The following PCDH9 variants were observed in gnomAD, a reference collection of about 807,000 sequenced individuals.
The protein encoded by PCDH9 is protocadherin-9.
A neutral mutation model predicts 70.6 loss-of-function variants in PCDH9; 24 were observed. The observed-to-expected ratio is 0.34, with a 90% CI of 0.25 to 0.48. The LOEUF (loss-of-function observed/expected upper bound fraction) is 0.48, where lower values mean the gene tolerates loss of function less well. Among genes scored for constraint, PCDH9 ranks in the 20% least tolerant of loss-of-function variants. The pLI, the probability that PCDH9 is intolerant of heterozygous loss-of-function variation, is 0.99. For missense variants in PCDH9, 1,281 were observed against 1,503.6 expected (o/e 0.85, Z 2.45); for synonymous variants, 562 against 558.5 (o/e 1.01, Z -0.09).
chr13:66,731,785 T>C (rs1404996395), intron 3 of PCDH9, among the ~76,000 whole-genome samples: 4 of 152,120 alleles, frequency 2.6e-5, no homozygotes, highest in Admixed American at 6.5e-5. Context: ...TTATACATTC[T>C]ATTTATCAAC....
At chr13:66,473,850 C>T (rs985245148) in intron 4 of PCDH9, among the ~76,000 whole-genome samples, 1 of 152,126 alleles carries the variant, frequency 6.6e-6, no homozygotes, top group Non-Finnish European at 1.5e-5. Flanking sequence ...CTCTCTATCT[C>T]CTGTGGATAT....
intron 3 of PCDH9, among the ~76,000 whole-genome samples, chr13:66,816,705 G>A (rs1020529700): frequency 7.2e-5 from 11 of 152,038 alleles, no homozygotes; most frequent in East Asian, 5.8e-4. Context: ...GGTGGATCAC[G>A]AGGTCAAGAG....
At chr13:66,824,002 T>C (rs9317617) in intron 3 of PCDH9, among the ~76,000 whole-genome samples, 104 of 152,078 alleles carry the variant, frequency 6.8e-4, no homozygotes, top group African/African-American at 2.3e-3. Context: ...GATTCCAAAA[T>C]TGAATGAAAT....
intron 3 of PCDH9, among the ~76,000 whole-genome samples, chr13:66,777,924 C>T (rs1269807773): frequency 6.6e-6 from 1 of 151,994 alleles, no homozygotes; most frequent in Non-Finnish European, 1.5e-5. Context: ...AAATGTGGCA[C>T]ATATACACCA....
chr13:66,351,793 A>T (rs1024415008), intron 4 of PCDH9, among the ~76,000 whole-genome samples: 4 of 152,178 alleles, frequency 2.6e-5, no homozygotes, highest in Admixed American at 2.6e-4. Flanking sequence ...CAATATAAAA[A>T]AATAAACCAA....
intron 3 of PCDH9, among the ~76,000 whole-genome samples, chr13:66,652,523 A>G (rs2077867205): frequency 6.6e-6 from 1 of 152,112 alleles, no homozygotes; most frequent in South Asian, 2.1e-4. Flanking sequence ...ATGAATTGGA[A>G]GAATCAATAT....
chr13:66,384,842 T>C (rs889100839), intron 4 of PCDH9, among the ~76,000 whole-genome samples: 2 of 151,668 alleles, frequency 1.3e-5, no homozygotes, highest in African/African-American at 4.8e-5. Context: ...TTTTTTTTTG[T>C]ATTTTTAGTA....
At chr13:66,620,078 A>T (rs559112574) in intron 4 of PCDH9, among the ~76,000 whole-genome samples, 1 of 152,028 alleles carries the variant, frequency 6.6e-6, no homozygotes, top group Non-Finnish European at 1.5e-5. Flanking sequence ...TAATTATGCA[A>T]TTTTCCATAA....
At chr13:66,453,776 C>G (rs1206585363) in intron 4 of PCDH9, among the ~76,000 whole-genome samples, 1 of 152,114 alleles carries the variant, frequency 6.6e-6, no homozygotes, top group African/African-American at 2.4e-5. Flanking sequence ...CTGGCCAAAG[C>G]TGTTTTGCAA....
chr13:66,618,559 T>C (rs563279719), intron 4 of PCDH9, among the ~76,000 whole-genome samples: 1 of 152,300 alleles, frequency 6.6e-6, no homozygotes, highest in South Asian at 2.1e-4. Context: ...TATGAGAATA[T>C]ATTCTTTATA....
intron 4 of PCDH9, among the ~76,000 whole-genome samples, chr13:66,404,633 T>C (rs1020881007): frequency 2.0e-5 from 3 of 152,130 alleles, no homozygotes; most frequent in Non-Finnish European, 4.4e-5. Context: ...TGATTCAAGG[T>C]GTGAATCATT....
In PCDH9 at chr13:66,501,425, T is replaced by A. The variant is rs9571589; in HGVS notation, c.3340+129785A>T. 8.1e-4 allele frequency among the ~76,000 whole-genome samples: 123 copies of A among 152,230 alleles called. No individual in the cohort carries two copies. The East Asian group carries it at 0.02, about 25-fold the overall frequency. ...AAATATTCTCCTGTGTCATAAAGAA[T>A]TTCATTAAACAGCATGGGAGAAAGA... is the stretch of plus-strand genomic sequence containing the variant. On this transcript the variant is annotated intron_variant, in intron 4 of 4. Coordinates refer to ENST00000377865, the MANE Select transcript of PCDH9 (RefSeq NM_203487.3).
intron 4 of PCDH9, among the ~76,000 whole-genome samples, chr13:66,358,755 A>AGT (rs981597052): frequency 7.2e-5 from 11 of 151,866 alleles, no homozygotes; most frequent in African/African-American, 2.4e-4. Context: ...CATTAGTTTC[A>AGT]GTGTGTGTGT....
At chr13:66,459,057 T>C (rs960509231) in intron 4 of PCDH9, among the ~76,000 whole-genome samples, 5 of 151,916 alleles carry the variant, frequency 3.3e-5, no homozygotes, top group African/African-American at 9.7e-5. Context: ...GACCAAAATA[T>C]GCTGCTTTTG....
Position 66,903,517 on chromosome 13 carries a change from T to C in PCDH9, c.3125A>G (p.Glu1042Gly), listed in dbSNP as rs2082310593. Reference sequence around the variant, plus strand: ...TATATGGCATACCTCGTAATGGCTTTCTTCATTCTCCTGAATGTGGAAACC... The same window carrying C: ...TATATGGCATACCTCGTAATGGCTTCCTTCATTCTCCTGAATGTGGAAACC... ...STGFHIQENE[E>G]SHYESQRRVT... Residue 1042 changes from glutamate to glycine, a missense_variant, in exon 3 of 5, where the codon GAA (glutamate) becomes GGA (glycine). Coordinates refer to ENST00000377865, the MANE Select transcript of PCDH9 (RefSeq NM_203487.3). 2.0e-6 allele frequency: 3 copies of C among 1,493,046 alleles called. No homozygotes were observed. The East Asian group carries it at 6.8e-5, about 34-fold the overall frequency. The allele number at this position is 1,493,046 out of a possible 1,614,324, so 92.5% of individuals were successfully genotyped here.
At chr13:66,526,025 A>G (rs1349041448) in intron 4 of PCDH9, among the ~76,000 whole-genome samples, 2 of 152,048 alleles carry the variant, frequency 1.3e-5, no homozygotes, top group Non-Finnish European at 2.9e-5. Context: ...TGATTCCCCC[A>G]ATAGAAGGAA....
intron 4 of PCDH9, among the ~76,000 whole-genome samples, chr13:66,364,582 A>C (rs1056600346): frequency 6.6e-6 from 1 of 152,194 alleles, no homozygotes; most frequent in African/African-American, 2.4e-5. Context: ...ATGATTAGGG[A>C]TATCTCCTTT....
chr13:66,862,536 T>A (rs1043891277), intron 3 of PCDH9, among the ~76,000 whole-genome samples: 1 of 152,318 alleles, frequency 6.6e-6, no homozygotes, highest in African/African-American at 2.4e-5. Flanking sequence ...TGCACCCCAA[T>A]GCCTGTTAAA....
At chr13:66,801,338 T>C (rs1426158363) in intron 3 of PCDH9, among the ~76,000 whole-genome samples, 1 of 152,140 alleles carries the variant, frequency 6.6e-6, no homozygotes, top group Non-Finnish European at 1.5e-5. Context: ...AACTTCCTTT[T>C]TTCCTGTGTG....
Sources: allele counts gnomAD v4.1 joint callset (sites outside exome capture counted in the v4.1 genomes callset), GRCh38; gene constraint gnomAD v4.1.1; transcripts MANE v1.5; gene names NCBI Gene and HGNC (gene_info 2026-07-23, HGNC 2026-07-21).